Variants in SP6 observed in about 807,000 individuals in gnomAD.
SP6 encodes the protein Sp6 transcription factor, also known as transcription factor Sp6.
A neutral mutation model predicts 23.4 loss-of-function variants in SP6; 10 were observed. The observed-to-expected ratio is 0.43, with a 90% CI of 0.26 to 0.72. The LOEUF is 0.72. Among genes scored for constraint, SP6 ranks in the 30% least tolerant of loss-of-function variants. SP6 has a pLI of 0.23. For missense variants in SP6, 482 were observed against 523.8 expected, an observed-to-expected ratio of 0.92 and a Z score of 0.78; for synonymous variants, 238 against 238.7, an observed-to-expected ratio of 1.00 and a Z score of 0.03.
chr17:47,850,522 G>A (rs1485213094), intron 1 of SP6, among the ~76,000 whole-genome samples: 1 of 152,218 alleles, frequency 6.6e-6, no homozygotes, highest in East Asian at 1.9e-4. Flanking sequence ...TGCCAAGTAT[G>A]TGTCCGGTTC....
Position 47,847,163 on chromosome 17 carries a change from C to G in SP6, c.*136G>C. ...AACCCCTAGCGCCCCATCTCCCTGT[C>G]CCTGCACCACTTTTCCTCCTCCCTG... is the stretch of plus-strand genomic sequence containing the variant. On this transcript the variant is annotated 3_prime_UTR_variant, in exon 2 of 2. Coordinates refer to ENST00000536300, the MANE Select transcript of SP6 (RefSeq NM_001258248.2). 1.1e-6 allele frequency: 1 copy of G among 938,658 alleles called. No individual in the cohort carries two copies. The highest frequency in any genetic ancestry group is 2.9e-5 in the Admixed American group (1 of 34,262). 58.1% of individuals were successfully genotyped at this position (938,658 alleles called of 1,614,324 possible). A position where few individuals can be genotyped will look rare whatever the true frequency, so the allele number is the denominator to read the frequency against.
At chr17:47,860,634 CGGGA>C (rs1220618833), upstream of SP6, among the ~76,000 whole-genome samples, 2 of 148,702 alleles carry the variant, frequency 1.3e-5, no homozygotes, top group East Asian at 3.9e-4. Context: ...GAGGCGGAGG[CGGGA>C]GGATTACTTG....
upstream of SP6, among the ~76,000 whole-genome samples, chr17:47,860,330 T>C (rs908264221): frequency 8.5e-5 from 13 of 152,250 alleles, no homozygotes; most frequent in Admixed American, 8.5e-4. Context: ...TGTGCTCCCA[T>C]AGTTCTAAAA....
Position 47,848,087 on chromosome 17 carries a change from C to A in SP6, c.343G>T (p.Ala115Ser). The change falls in exon 2 of 2, where the codon GCG (alanine) becomes TCG (serine). Residue 115 changes from alanine to serine, a missense_variant. Around this residue, in one of 3 missense-constraint regions of SP6, gnomAD observed 330 missense variants for 332.3 expected, o/e 0.99. Coordinates refer to ENST00000536300, the MANE Select transcript of SP6 (RefSeq NM_001258248.2). This position sits in a 1 kb window ranked among gnomAD's most constrained non-coding sequence, Gnocchi z 5.3. ...AGGTCCCACCACGAGCCATCCTCCGCGCCTGGGTGAGTCGGCCTGAACCAC... is the reference window on the plus strand; with the variant it reads ...AGGTCCCACCACGAGCCATCCTCCGAGCCTGGGTGAGTCGGCCTGAACCAC... ...ESWFRPTHPG[A>S]EDGSWWDLHP... is the part of the protein sequence containing the mutation. The A allele has an allele frequency of 6.2e-7, 1 of 1,613,538 alleles. No homozygotes were observed. The highest frequency in any genetic ancestry group is 8.5e-7 in the Non-Finnish European group (1 of 1,179,968).
At chr17:47,864,587 AC>A in the SP6 span, 1 of 152,238 alleles carries the variant, frequency 6.6e-6, no homozygotes, top group East Asian at 1.9e-4. Context: ...GAGTCTGGAC[AC>A]CAGTAGGTGG....
At chr17:47,872,734 G>A in the SP6 span, among the ~76,000 whole-genome samples, 1 of 152,188 alleles carries the variant, frequency 6.6e-6, no homozygotes, top group African/African-American at 2.4e-5. Flanking sequence ...CCAGCCCCCC[G>A]GCGGCAAGGG....
chr17:47,860,035 G>GC (rs1373934723), upstream of SP6, among the ~76,000 whole-genome samples: 1 of 151,142 alleles, frequency 6.6e-6, no homozygotes, highest in African/African-American at 2.4e-5. Context: ...ACATTCAATA[G>GC]CCCCCCATTA....
At chr17:47,862,703 A>AG in the SP6 span, among the ~76,000 whole-genome samples, 1 of 152,192 alleles carries the variant, frequency 6.6e-6, no homozygotes, top group Non-Finnish European at 1.5e-5. Flanking sequence ...AGATTCGTAG[A>AG]GGGGAAAAAG....
At chr17:47,858,721 C>T (rs906086621), upstream of SP6, among the ~76,000 whole-genome samples, 1 of 151,658 alleles carries the variant, frequency 6.6e-6, no homozygotes, top group Non-Finnish European at 1.5e-5. Context: ...CTTCTGTACC[C>T]ACCAACCTAA....
the SP6 span, among the ~76,000 whole-genome samples, chr17:47,873,119 T>G: frequency 6.6e-6 from 1 of 152,204 alleles, no homozygotes; most frequent in African/African-American, 2.4e-5. Flanking sequence ...ACAATTGCTA[T>G]GCAAACCAAA....
chr17:47,860,323 G>A (rs139037650), upstream of SP6, among the ~76,000 whole-genome samples: 4 of 152,238 alleles, frequency 2.6e-5, no homozygotes, highest in African/African-American at 9.6e-5. Flanking sequence ...ACTTTTCTGT[G>A]CTCCCATAGT....
At chr17:47,855,524 A>T (rs1393963481), upstream of SP6, 1 of 152,050 alleles carries the variant, frequency 6.6e-6, no homozygotes, top group African/African-American at 2.4e-5. Context: ...CCCCACCAAG[A>T]TCTCCCTCTT....
At chr17:47,859,302 G>T (rs762258008), upstream of SP6, among the ~76,000 whole-genome samples, 2 of 152,186 alleles carry the variant, frequency 1.3e-5, no homozygotes, top group South Asian at 4.1e-4. Flanking sequence ...ACCCCTGCCA[G>T]CCATTCTTGC....
the SP6 span, among the ~76,000 whole-genome samples, chr17:47,874,651 C>T: frequency 6.6e-6 from 1 of 152,170 alleles, no homozygotes; most frequent in African/African-American, 2.4e-5. Flanking sequence ...CTCACTGGTC[C>T]TGTACGTTTG....
At chr17:47,850,848 C>A (rs1229304325) in intron 1 of SP6, 71 bp downstream of exon 1, 1 of 152,274 alleles carries the variant, frequency 6.6e-6, no homozygotes, top group East Asian at 1.9e-4. Context: ...GGCTGGGGCG[C>A]GTTCGGAGTG....
At chr17:47,851,463 A>G (rs980187106), upstream of SP6, among the ~76,000 whole-genome samples, 1 of 152,054 alleles carries the variant, frequency 6.6e-6, no homozygotes, top group Non-Finnish European at 1.5e-5. Flanking sequence ...CTAGCAGAGG[A>G]CGCAGGACTA....
the SP6 span, among the ~76,000 whole-genome samples, chr17:47,867,739 C>T: frequency 1.4e-4 from 21 of 152,176 alleles, no homozygotes; most frequent in Non-Finnish European, 2.6e-4. Flanking sequence ...GTAGCTCCCT[C>T]TCGCTTGCCC....
At chr17:47,870,513 TC>T in the SP6 span, among the ~76,000 whole-genome samples, 2 of 152,128 alleles carry the variant, frequency 1.3e-5, no homozygotes, top group Non-Finnish European at 2.9e-5. Context: ...GAGCTGGACT[TC>T]CTGATAACTG....
the SP6 span, among the ~76,000 whole-genome samples, chr17:47,872,984 C>T: frequency 1.3e-5 from 2 of 152,154 alleles, no homozygotes; most frequent in Non-Finnish European, 2.9e-5. Context: ...AACATCTGAA[C>T]CCCCCTTCTC....
Sources: allele counts gnomAD v4.1 joint callset (sites outside exome capture counted in the v4.1 genomes callset), GRCh38; gene constraint gnomAD v4.1.1; regional missense constraint gnomAD v4.1.1; non-coding constraint Gnocchi (gnomAD v3.1); transcripts MANE v1.5; gene names NCBI Gene and HGNC (gene_info 2026-07-23, HGNC 2026-07-21).